FRZB: variants seen among roughly 807,000 people sequenced by gnomAD.
FRZB encodes frizzled related protein, also known as secreted frizzled-related protein 3.
A neutral mutation model predicts 32.5 loss-of-function variants in FRZB; 34 were observed. The observed-to-expected ratio is 1.05, with a 90% CI of 0.80 to 1.39. FRZB has a LOEUF of 1.39. Among genes scored for constraint, FRZB ranks in the 40% most tolerant of loss-of-function variants. FRZB has a pLI of 0.00. For missense variants in FRZB, 423 were observed against 424.8 expected, an observed-to-expected ratio of 1.00 and a Z score of 0.04; for synonymous variants, 170 against 159.2, an observed-to-expected ratio of 1.07 and a Z score of -0.51.
intron 2 of FRZB, among the ~76,000 whole-genome samples, chr2:182,851,510 G>T (rs772740753): frequency 6.6e-6 from 1 of 152,020 alleles, no homozygotes; most frequent in East Asian, 1.9e-4. Flanking sequence ...ACAAAAATTA[G>T]CCAGGCGTGG....
intron 3 of FRZB, among the ~76,000 whole-genome samples, chr2:182,841,057 C>A (rs187099410): frequency 6.6e-6 from 1 of 152,180 alleles, no homozygotes; most frequent in Admixed American, 6.5e-5. Context: ...GCTCCCTTTT[C>A]CCTAGGCTTC....
chr2:182,855,828 A>C (rs757898704), intron 2 of FRZB, among the ~76,000 whole-genome samples: 1 of 152,194 alleles, frequency 6.6e-6, no homozygotes, highest in Non-Finnish European at 1.5e-5. Context: ...AAAGGAATCA[A>C]TGCCCAGACA....
chr2:182,844,013 G>T (rs971315968), intron 2 of FRZB, among the ~76,000 whole-genome samples: 5 of 152,068 alleles, frequency 3.3e-5, no homozygotes, highest in Non-Finnish European at 5.9e-5. Context: ...ATTTTCTAAT[G>T]AAAATAAATT....
At chr2:182,838,160 A>T (rs1374697992) in intron 4 of FRZB, 149 bp from the exon 5 acceptor site, 1 of 722,870 alleles carries the variant, frequency 1.4e-6, no homozygotes, top group Non-Finnish European at 2.3e-6. Context: ...AACCATTTGT[A>T]AGTCACAGAC....
At chr2:182,841,415 T>A (rs1290388205) in intron 3 of FRZB, among the ~76,000 whole-genome samples, 1 of 152,164 alleles carries the variant, frequency 6.6e-6, no homozygotes, top group Non-Finnish European at 1.5e-5. Context: ...CTGCTGTATA[T>A]ATCCTATATA....
At chr2:182,855,529 GT>G (rs1244245831) in intron 2 of FRZB, among the ~76,000 whole-genome samples, 2 of 152,186 alleles carry the variant, frequency 1.3e-5, no homozygotes, top group African/African-American at 4.8e-5. Context: ...GTTTCAGAGA[GT>G]AGGAGATTGA....
intron 3 of FRZB, among the ~76,000 whole-genome samples, chr2:182,839,907 G>A (rs927909098): frequency 2.6e-5 from 4 of 151,830 alleles, no homozygotes; most frequent in South Asian, 2.1e-4. Context: ...TAGAGATTTT[G>A]GACTATAAAG....
intron 2 of FRZB, among the ~76,000 whole-genome samples, chr2:182,855,418 A>G (rs1695757636): frequency 6.6e-6 from 1 of 152,186 alleles, no homozygotes. Flanking sequence ...AATAAATGGA[A>G]AGATAGAAAG....
intron 1 of FRZB, among the ~76,000 whole-genome samples, chr2:182,859,501 C>T (rs926856202): frequency 1.3e-5 from 2 of 152,102 alleles, no homozygotes; most frequent in African/African-American, 4.8e-5. Context: ...AGTGCACCAG[C>T]GGAACACCGT....
Position 182,834,834 on chromosome 2 carries a change from T to C in FRZB, c.*15A>G. On this transcript the variant is annotated 3_prime_UTR_variant, in exon 6 of 6. Coordinates refer to ENST00000295113, the MANE Select transcript of FRZB (RefSeq NM_001463.4). ...TAATAGGAAGTCCACTGTGTTACTT[T>C]TTGTATTTCGGGATTTAGTTGCGTG... 6.3e-7 allele frequency: 1 copy of C among 1,589,680 alleles called. No individual in the cohort carries two copies. Among genetic ancestry groups the C allele is most frequent in the Non-Finnish European group, 8.6e-7 (1 of 1,158,170 alleles).
rs761885431 is a variant in FRZB, at chr2:182,866,063, G to A, written c.478+12C>T. 8 of 1,595,942 alleles carry A rather than the reference G, an allele frequency of 5.0e-6. No homozygotes were observed. The East Asian group carries it at 1.8e-4, about 36-fold the overall frequency. On this transcript the variant is annotated intron_variant, in intron 1 of 5. Coordinates refer to ENST00000295113, the MANE Select transcript of FRZB (RefSeq NM_001463.4). The surrounding 1 kb of genome is among the most constrained non-coding windows in gnomAD (Gnocchi z 4.5). The stretch of plus-strand genomic sequence containing the variant: ...GTAGGGTAAGGGAAGGGTGGGCCGT[G>A]TCAAAACTCACCAGCTCCGTCCGCA...
intron 2 of FRZB, among the ~76,000 whole-genome samples, chr2:182,844,405 G>A (rs985696475): frequency 1.3e-5 from 2 of 152,138 alleles, no homozygotes; most frequent in Non-Finnish European, 2.9e-5. Context: ...AATGTTACAT[G>A]TATTTTTAAA....
chr2:182,837,865 A>T, intron 5 of FRZB, 83 bp downstream of exon 5: 1 of 1,012,290 alleles, frequency 9.9e-7, no homozygotes, highest in Non-Finnish European at 1.5e-6. Flanking sequence ...GAAGGCAGCT[A>T]TTTCATTTCA....
chr2:182,865,708 C>T (rs1486609833), intron 1 of FRZB, among the ~76,000 whole-genome samples: 1 of 152,150 alleles, frequency 6.6e-6, no homozygotes, highest in Non-Finnish European at 1.5e-5. Flanking sequence ...ATTATAAACA[C>T]ATTTTAAAAG....
intron 2 of FRZB, among the ~76,000 whole-genome samples, chr2:182,854,353 A>G (rs1198199910): frequency 6.6e-6 from 1 of 152,186 alleles, no homozygotes; most frequent in Non-Finnish European, 1.5e-5. Flanking sequence ...ACCTGAACAG[A>G]GTGCATGAAG....
intron 5 of FRZB, among the ~76,000 whole-genome samples, chr2:182,836,847 T>G (rs1260784209): frequency 6.6e-6 from 1 of 152,056 alleles, no homozygotes; most frequent in East Asian, 1.9e-4. Context: ...ATCTCCCTTT[T>G]GACAAATCTA....
rs1695496773 is a variant in FRZB, at chr2:182,834,072, A to G, written c.*777T>C. 6.6e-6 allele frequency: 1 copy of G among 152,192 alleles called. No homozygotes were observed. The highest frequency in any genetic ancestry group is 2.4e-5 in the African/African-American group (1 of 41,464). 9.4% of individuals were successfully genotyped at this position (152,192 alleles called of 1,614,324 possible). ...TAAACAAAACTATGGTGATAACAGC[A>G]GATGTCTAGTTATAATTCATTTCTC... On this transcript the variant is annotated 3_prime_UTR_variant, in exon 6 of 6. Transcript: ENST00000295113.
intron 2 of FRZB, among the ~76,000 whole-genome samples, chr2:182,843,096 G>A (rs2105754469): frequency 6.6e-6 from 1 of 152,290 alleles, no homozygotes; most frequent in South Asian, 2.1e-4. Flanking sequence ...CCCTTCTATA[G>A]GTAAAATAGC....
chr2:182,837,764 A>T (rs867511399), intron 5 of FRZB, among the ~76,000 whole-genome samples, 184 bp downstream of exon 5: 1 of 152,054 alleles, frequency 6.6e-6, no homozygotes, highest in African/African-American at 2.4e-5. Flanking sequence ...CAGGGAACTC[A>T]TTCCTTAAAT....
Sources: allele counts gnomAD v4.1 joint callset (sites outside exome capture counted in the v4.1 genomes callset), GRCh38; gene constraint gnomAD v4.1.1; non-coding constraint Gnocchi (gnomAD v3.1); transcripts MANE v1.5; gene names NCBI Gene and HGNC (gene_info 2026-07-23, HGNC 2026-07-21).